PGS1: variants seen among roughly 807,000 people sequenced by gnomAD.
The protein encoded by PGS1 is CDP-diacylglycerol--glycerol-3-phosphate 3-phosphatidyltransferase, mitochondrial.
A neutral mutation model predicts 58.3 loss-of-function variants in PGS1; 44 were observed. The ratio of observed to expected loss-of-function variants is 0.75; its 90% CI spans 0.59 to 0.97. PGS1 has a LOEUF of 0.97. Ranked by LOEUF, PGS1 falls within the 50% of genes least tolerant of loss-of-function variation. PGS1 has a pLI of 0.00. For synonymous variants in PGS1, 330 were observed against 311.0 expected (o/e 1.06, Z -0.64); for missense variants, 684 against 731.1 (o/e 0.94, Z 0.74).
intron 7 of PGS1, among the ~76,000 whole-genome samples, chr17:78,410,290 A>C (rs146296285): frequency 6.7e-6 from 1 of 149,126 alleles, no homozygotes; most frequent in Admixed American, 6.7e-5. Context: ...TTAGCTGGGC[A>C]TGGTTACAGC....
chr17:78,411,601 A>T (rs1395174163), intron 7 of PGS1, among the ~76,000 whole-genome samples: 3 of 152,186 alleles, frequency 2.0e-5, no homozygotes, highest in Non-Finnish European at 4.4e-5. Context: ...TGGTCCGCAG[A>T]GGGCTGCTTC....
intron 3 of PGS1, 72 bp downstream of exon 3, chr17:78,396,457 A>G (rs2146174735): frequency 8.9e-7 from 1 of 1,121,314 alleles, no homozygotes; most frequent in South Asian, 1.5e-5. Context: ...TTTTTGTGCC[A>G]TGCAGTTGGT....
At chr17:78,406,934 G>C (rs1165022314) in intron 7 of PGS1, among the ~76,000 whole-genome samples, 1 of 152,226 alleles carries the variant, frequency 6.6e-6, no homozygotes. Flanking sequence ...CCCTGAAGTG[G>C]CTTTGATAAA....
chr17:78,399,413 T>C lies in PGS1; in HGVS notation c.577T>C (p.Ser193Pro). 6.2e-7 allele frequency: 1 copy of C among 1,614,084 alleles called. No individual in the cohort carries two copies. Among genetic ancestry groups the C allele is most frequent in the South Asian group, 1.1e-5 (1 of 91,084 alleles). The change falls in exon 5 of 10, where the codon TCC becomes CCC. Residue 193 changes from serine (S) to proline (P), a missense_variant. By Grantham distance (74) the Ser-to-Pro change is moderately conservative. Coordinates refer to ENST00000262764, the MANE Select transcript of PGS1 (RefSeq NM_024419.5). ...GAGGTTCCCAGAGCAGGTCCGAGTC[T>C]CCCTCTTTCACACGCCGCACCTCCG... ...LRRFPEQVRV[S>P]LFHTPHLRGL...
At chr17:78,385,568 C>T (rs374014938) in intron 1 of PGS1, among the ~76,000 whole-genome samples, 5 of 152,162 alleles carry the variant, frequency 3.3e-5, no homozygotes, top group East Asian at 1.9e-4. Context: ...GGATTACAGG[C>T]GTGAGCCGCT....
At position 78,400,921 on chromosome 17, in the gene PGS1, C is replaced by G; in HGVS notation, c.880+66C>G. ...GGTGGAGTGAGGGCCCGGGAGAGCA[C>G]AACTCTAGGTGGTTCTGCCACAGGC... On this transcript the variant is annotated intron_variant, in intron 6 of 9. Transcript: ENST00000262764. This position sits in a 1 kb window ranked among gnomAD's most constrained non-coding sequence, Gnocchi z 4.4. The G allele has an allele frequency of 1.4e-6, 2 of 1,382,328 alleles. No homozygotes were observed. Among genetic ancestry groups the G allele is most frequent in the South Asian group, 1.4e-5 (1 of 73,514 alleles). The allele number at this position is 1,382,328 out of a possible 1,614,324, so 85.6% of individuals were successfully genotyped here.
At chr17:78,383,947 T>G (rs2082205802) in intron 1 of PGS1, among the ~76,000 whole-genome samples, 1 of 152,176 alleles carries the variant, frequency 6.6e-6, no homozygotes, top group Non-Finnish European at 1.5e-5. Context: ...CCCTTTGTAA[T>G]AGCGTGATCT....
At chr17:78,397,955 G>A (rs2083366312) in intron 3 of PGS1, 2 of 495,310 alleles carry the variant, frequency 4.0e-6, no homozygotes, top group Admixed American at 2.6e-5. Flanking sequence ...CGTGAGACCT[G>A]GTGTCGTAGC....
At chr17:78,423,427 G>A (rs1487352508) in intron 9 of PGS1, among the ~76,000 whole-genome samples, 1 of 152,162 alleles carries the variant, frequency 6.6e-6, no homozygotes, top group Non-Finnish European at 1.5e-5. Context: ...GACGCTGTGT[G>A]GAGGCGGCAG....
intron 7 of PGS1, among the ~76,000 whole-genome samples, chr17:78,404,336 C>T (rs2083941846): frequency 6.9e-6 from 1 of 145,332 alleles, no homozygotes; most frequent in Non-Finnish European, 1.5e-5. Context: ...GGCTGGACTG[C>T]AGTAGCATGA....
At chr17:78,386,990 GTGATGA>G (rs970094306) in intron 1 of PGS1, among the ~76,000 whole-genome samples, 4 of 146,624 alleles carry the variant, frequency 2.7e-5, no homozygotes, top group African/African-American at 1.0e-4. Flanking sequence ...GGTGATGATG[GTGATGA>G]TGATGATGAT....
chr17:78,395,999 G>A (rs528165262), intron 2 of PGS1, among the ~76,000 whole-genome samples: 3 of 152,340 alleles, frequency 2.0e-5, no homozygotes, highest in African/African-American at 4.8e-5. Flanking sequence ...CTCGGCCTCC[G>A]AAAGTGCTGG....
At chr17:78,391,509 G>A (rs1286046783) in intron 1 of PGS1, among the ~76,000 whole-genome samples, 2 of 152,014 alleles carry the variant, frequency 1.3e-5, no homozygotes, top group African/African-American at 2.4e-5. Flanking sequence ...ACAGAGTCTC[G>A]TTCTGTCACC....
chr17:78,393,236 A>G (rs2082962642), intron 2 of PGS1, among the ~76,000 whole-genome samples: 2 of 150,286 alleles, frequency 1.3e-5, no homozygotes, highest in African/African-American at 4.9e-5. Flanking sequence ...AATTTTTTGT[A>G]TTTTTAGTAG....
rs1394554056 is a variant in PGS1, at chr17:78,392,478, C to T, written c.146C>T (p.Ser49Leu). The T allele has an allele frequency of 6.2e-7, 1 of 1,608,844 alleles. No homozygotes were observed. Among genetic ancestry groups the T allele is most frequent in the South Asian group, 1.1e-5 (1 of 90,386 alleles). Reference sequence around the variant, plus strand: ...CAGTTGCATATTTCTTTAACCAGGTCACCATGGCTGTTATTGGCTCCCTTG... The same window carrying T: ...CAGTTGCATATTTCTTTAACCAGGTTACCATGGCTGTTATTGGCTCCCTTG... The part of the protein sequence containing the change: ...GRNRDRQRRR[S>L]PWLLLAPLLS... The change falls in exon 2 of 10, where the codon TCA (serine) becomes TTA (leucine). Residue 49 changes from serine to leucine, a missense_variant and splice_region_variant. Physicochemically the swap from Ser to Leu is moderately radical, Grantham distance 145. Transcript: ENST00000262764.
At chr17:78,412,023 C>G (rs1249400467) in intron 7 of PGS1, among the ~76,000 whole-genome samples, 2 of 139,588 alleles carry the variant, frequency 1.4e-5, no homozygotes, top group Admixed American at 8.1e-5. Context: ...CTTTTAGATT[C>G]CCCTTCTCCC....
intron 2 of PGS1, among the ~76,000 whole-genome samples, chr17:78,393,978 G>A (rs537783649): frequency 4.5e-4 from 69 of 152,086 alleles, no homozygotes; most frequent in African/African-American, 1.4e-3. Context: ...GAGGTCAGGA[G>A]TTCGAGAACA....
At chr17:78,404,530 T>C (rs1333352767) in intron 7 of PGS1, among the ~76,000 whole-genome samples, 1 of 152,122 alleles carries the variant, frequency 6.6e-6, no homozygotes, top group Non-Finnish European at 1.5e-5. Context: ...TCTGCCTGCC[T>C]TGCCTCCCAA....
rs5822252 is a variant in PGS1, at chr17:78,389,053, C to CTTTTTTTTTTTT, written c.144-3412_144-3401dup. On this transcript the variant is annotated intron_variant, in intron 1 of 9. Coordinates refer to ENST00000262764, the MANE Select transcript of PGS1 (RefSeq NM_024419.5). ...TGCCAAGGAGTGTTTCCTCTTCTTCCTTTTTTTTTTTTTTTTTTTTTTGCG... is the reference window on the plus strand; with the variant it reads ...TGCCAAGGAGTGTTTCCTCTTCTTCCTTTTTTTTTTTTTTTTTTTTTTTTTTTTTTTTTTGCG... Among the ~76,000 whole-genome samples, 2 of 96,002 alleles carry CTTTTTTTTTTTT rather than the reference C, an allele frequency of 2.1e-5. 1 individual carries two copies. Among genetic ancestry groups the CTTTTTTTTTTTT allele is most frequent in the African/African-American group, 8.6e-5 (2 of 23,214 alleles). 63.0% of individuals were successfully genotyped at this position (96,002 alleles called of 152,430 possible). A position where few individuals can be genotyped will look rare whatever the true frequency, so the allele number is the denominator to read the frequency against.
Sources: allele counts gnomAD v4.1 joint callset (sites outside exome capture counted in the v4.1 genomes callset), GRCh38; gene constraint gnomAD v4.1.1; non-coding constraint Gnocchi (gnomAD v3.1); transcripts MANE v1.5; gene names NCBI Gene and HGNC (gene_info 2026-07-23, HGNC 2026-07-21).